The following THSD4 variants were observed in gnomAD, a reference collection of about 807,000 sequenced individuals.
THSD4 encodes thrombospondin type-1 domain-containing protein 4.
A neutral mutation model predicts 119.0 loss-of-function variants in THSD4; 69 were observed. That is an observed-to-expected ratio of 0.58 (90% CI 0.48 to 0.71). The LOEUF is 0.71. THSD4 is among the 30% of genes least tolerant of loss of function. THSD4 has a pLI of 0.00. For synonymous variants in THSD4, 524 were observed against 540.4 expected, an observed-to-expected ratio of 0.97 and a Z score of 0.42; for missense variants, 1,393 against 1,391.1, an observed-to-expected ratio of 1.00 and a Z score of -0.02.
chr15:71,365,737 CCT>C (rs950226022), intron 6 of THSD4, among the ~76,000 whole-genome samples: 1 of 151,818 alleles, frequency 6.6e-6, no homozygotes, highest in South Asian at 2.1e-4. Context: ...AACTTTCCTC[CCT>C]CTCTCTCTCA....
intron 6 of THSD4, among the ~76,000 whole-genome samples, chr15:71,409,164 CT>C (rs1221475879): frequency 6.1e-5 from 9 of 146,798 alleles, no homozygotes; most frequent in African/African-American, 2.3e-4. Flanking sequence ...TTCCCCCCCC[CT>C]CAGAATGTTC....
At chr15:71,208,634 C>T (rs941710097) in intron 3 of THSD4, among the ~76,000 whole-genome samples, 17 of 152,150 alleles carry the variant, frequency 1.1e-4, no homozygotes, top group African/African-American at 3.4e-4. Flanking sequence ...GCCTCACCCT[C>T]CTGAGTAGCT....
chr15:71,100,265 GCTAT>G (rs1332432166), intron 1 of THSD4, among the ~76,000 whole-genome samples: 3 of 152,190 alleles, frequency 2.0e-5, no homozygotes, highest in Non-Finnish European at 4.4e-5. Context: ...TTGTGATTGT[GCTAT>G]CTAAGATTGT....
chr15:71,118,454 G>A (rs1199679268), intron 1 of THSD4, among the ~76,000 whole-genome samples: 1 of 151,920 alleles, frequency 6.6e-6, no homozygotes, highest in Non-Finnish European at 1.5e-5. Flanking sequence ...TGCATTCTTT[G>A]TGCCTGCTCT....
At chr15:71,750,165 T>C (rs2053421220) in intron 14 of THSD4, among the ~76,000 whole-genome samples, 1 of 152,102 alleles carries the variant, frequency 6.6e-6, no homozygotes, top group Non-Finnish European at 1.5e-5. Flanking sequence ...ATGCAGCCCA[T>C]GAGCCCCCAC....
intron 15 of THSD4, among the ~76,000 whole-genome samples, chr15:71,763,235 T>C (rs1461935369): frequency 6.6e-6 from 1 of 150,566 alleles, no homozygotes; most frequent in Non-Finnish European, 1.5e-5. Context: ...AATTTTTTTT[T>C]TCTGTAGATG....
chr15:71,250,020 C>T (rs2044243766), intron 5 of THSD4, among the ~76,000 whole-genome samples: 1 of 152,180 alleles, frequency 6.6e-6, no homozygotes, highest in African/African-American at 2.4e-5. Flanking sequence ...TTAACTCCTT[C>T]CTTTGCAAGG....
chr15:71,305,857 G>A (rs750040105), intron 6 of THSD4, among the ~76,000 whole-genome samples: 4 of 152,110 alleles, frequency 2.6e-5, no homozygotes, highest in Non-Finnish European at 4.4e-5. Context: ...TATCCTTCTC[G>A]AGTTCCCACT....
At chr15:71,574,110 ACAGT>A (rs1273833144) in intron 7 of THSD4, among the ~76,000 whole-genome samples, 1 of 152,220 alleles carries the variant, frequency 6.6e-6, no homozygotes. Flanking sequence ...TGCACAGTAG[ACAGT>A]CAGTGAATAT....
At chr15:71,444,909 A>G (rs1002396723) in intron 7 of THSD4, among the ~76,000 whole-genome samples, 2 of 151,900 alleles carry the variant, frequency 1.3e-5, no homozygotes, top group Non-Finnish European at 2.9e-5. Flanking sequence ...CTCTGTGCCC[A>G]CTCTACCTCT....
At chr15:71,483,228 G>A in intron 7 of THSD4, among the ~76,000 whole-genome samples, 1 of 152,148 alleles carries the variant, frequency 6.6e-6, no homozygotes, top group East Asian at 1.9e-4. Context: ...GAGTCCCTCA[G>A]ACTGATTACG....
chr15:71,613,606 A>G (rs1444743017), intron 7 of THSD4, among the ~76,000 whole-genome samples: 1 of 152,160 alleles, frequency 6.6e-6, no homozygotes, highest in Non-Finnish European at 1.5e-5. Flanking sequence ...CATCCACCCA[A>G]GCAAAACTAA....
At chr15:71,749,051 G>A (rs933655873) in intron 14 of THSD4, among the ~76,000 whole-genome samples, 5 of 152,326 alleles carry the variant, frequency 3.3e-5, no homozygotes, top group Non-Finnish European at 7.4e-5. Context: ...TCAACCATTA[G>A]CCCACCAGTT....
At chr15:71,251,268 T>C (rs1417454174) in intron 5 of THSD4, among the ~76,000 whole-genome samples, 1 of 152,228 alleles carries the variant, frequency 6.6e-6, no homozygotes, top group Non-Finnish European at 1.5e-5. Flanking sequence ...TTAGAACACA[T>C]ACTTTTCAAG....
chr15:71,701,120 T>G (rs1346126255), intron 8 of THSD4, among the ~76,000 whole-genome samples: 1 of 152,136 alleles, frequency 6.6e-6, no homozygotes, highest in Non-Finnish European at 1.5e-5. Flanking sequence ...CTGAACAAAG[T>G]GCTAATAGCT....
chr15:71,324,066 G>T (rs2045309046), intron 6 of THSD4, among the ~76,000 whole-genome samples: 1 of 152,070 alleles, frequency 6.6e-6, no homozygotes, highest in South Asian at 2.1e-4. Flanking sequence ...CTTCATTACT[G>T]CTCCCATAGG....
intron 8 of THSD4, among the ~76,000 whole-genome samples, chr15:71,681,118 T>G (rs908631672): frequency 6.6e-6 from 1 of 151,860 alleles, no homozygotes; most frequent in African/African-American, 2.4e-5. Flanking sequence ...TGTCACCATG[T>G]GGGCTAGGGT....
At chr15:71,409,271 G>A (rs117193529) in intron 6 of THSD4, among the ~76,000 whole-genome samples, 2,962 of 152,186 alleles carry the variant, frequency 0.019, 35 homozygotes, top group South Asian at 0.036. Context: ...GCCAAGAGAA[G>A]TGAGGACCCA....
intron 7 of THSD4, among the ~76,000 whole-genome samples, chr15:71,493,651 G>C (rs2047960570): frequency 6.6e-6 from 1 of 152,216 alleles, no homozygotes; most frequent in Non-Finnish European, 1.5e-5. Flanking sequence ...TCACTGTGAA[G>C]AGTGTGATTA....
Sources: allele counts gnomAD v4.1 joint callset (sites outside exome capture counted in the v4.1 genomes callset), GRCh38; gene constraint gnomAD v4.1.1; transcripts MANE v1.5; gene names NCBI Gene and HGNC (gene_info 2026-07-23, HGNC 2026-07-21).